The following CABYR variants were observed in gnomAD, a reference collection of about 807,000 sequenced individuals.
The protein encoded by CABYR is calcium-binding tyrosine phosphorylation-regulated protein.
A neutral mutation model predicts 36.1 loss-of-function variants in CABYR; 31 were observed. The observed-to-expected ratio is 0.86, with a 90% confidence interval of 0.64 to 1.16. The LOEUF is 1.16. Ranked by LOEUF, CABYR falls within the 50% of genes most tolerant of loss-of-function variation. The pLI, the probability that CABYR is intolerant of heterozygous loss-of-function variation, is 0.00. For missense variants in CABYR, 429 were observed against 455.8 expected (o/e 0.94, Z 0.53); for synonymous variants, 146 against 160.7 (o/e 0.91, Z 0.69).
rs562210085 is a variant in CABYR at position 24,161,480 on chromosome 18, C to CTT, written c.*-34_*-33dup. 3.2e-4 allele frequency: 252 copies of CTT among 779,238 alleles called. 1 individual carries two copies. Among genetic ancestry groups the CTT allele is most frequent in the Middle Eastern group, 3.2e-3 (14 of 4,440 alleles). The allele number at this position is 779,238 out of a possible 1,614,324, so 48.3% of individuals were successfully genotyped here. A position where few individuals can be genotyped will look rare whatever the true frequency, so the allele number is the denominator to read the frequency against. On this transcript the variant is annotated intron_variant, in intron 5 of 5. Coordinates refer to ENST00000399496, the MANE Select transcript of CABYR (RefSeq NM_153769.3). The stretch of plus-strand genomic sequence containing the variant: ...TTCACATGTTCGGTTTCATGTTTAA[C>CTT]TTTAAACAATTCAATGTTTGCATTA...
intron 5 of CABYR, chr18:24,160,396 G>A: frequency 3.9e-6 from 1 of 259,556 alleles, no homozygotes; most frequent in Non-Finnish European, 7.3e-6. Context: ...TTTTAAAACA[G>A]GACAATTTAG....
chr18:24,157,399 CA>C (rs919218575), intron 4 of CABYR, among the ~76,000 whole-genome samples: 4 of 152,168 alleles, frequency 2.6e-5, no homozygotes, highest in African/African-American at 9.7e-5. Flanking sequence ...TACAGCAATG[CA>C]TTTACATAGG....
chr18:24,143,558 TA>T (rs144541753), intron 3 of CABYR, 145 bp downstream of exon 3: 45,111 of 298,132 alleles, frequency 0.15, 4,108 homozygotes, highest in Middle Eastern at 0.28. Flanking sequence ...TATATATATA[TA>T]TTTTTAGAGA....
intron 4 of CABYR, among the ~76,000 whole-genome samples, chr18:24,158,323 T>C (rs1251185635): frequency 6.6e-6 from 1 of 150,984 alleles, no homozygotes; most frequent in Non-Finnish European, 1.5e-5. Flanking sequence ...ATTATTTCTT[T>C]TTTTTTTTTT....
chr18:24,150,820 C>G (rs2085609836), intron 3 of CABYR, among the ~76,000 whole-genome samples: 1 of 150,276 alleles, frequency 6.7e-6, no homozygotes, highest in Non-Finnish European at 1.5e-5. Flanking sequence ...TCACTCTGGC[C>G]CCAGGCTGGA....
intron 3 of CABYR, among the ~76,000 whole-genome samples, chr18:24,151,331 C>T (rs1599385557): frequency 6.6e-6 from 1 of 152,196 alleles, no homozygotes; most frequent in East Asian, 1.9e-4. Flanking sequence ...AGTTATGTTC[C>T]TAATTCTCAG....
intron 3 of CABYR, among the ~76,000 whole-genome samples, chr18:24,147,023 G>A (rs2085476766): frequency 6.6e-6 from 1 of 152,086 alleles, no homozygotes; most frequent in African/African-American, 2.4e-5. Flanking sequence ...GGGGCATGGT[G>A]GTTCATGCCT....
intron 3 of CABYR, among the ~76,000 whole-genome samples, chr18:24,149,548 C>T (rs957325373): frequency 9.9e-5 from 15 of 152,232 alleles, no homozygotes; most frequent in African/African-American, 1.4e-4. Context: ...TGGTGCCGTG[C>T]GCCTGCACTC....
In CABYR at chr18:24,159,454, CA is replaced by C; in HGVS notation, c.542-14del. On this transcript the variant is annotated splice_polypyrimidine_tract_variant and intron_variant, in intron 4 of 5. Transcript: ENST00000399496. The stretch of plus-strand genomic sequence containing the variant: ...ACAGAGACCAAAACTTTAATTCCTG[CA>C]AAATTTTTTTTTATAGCAATGGCAA... 1 of 1,596,242 alleles carries C rather than the reference CA, an allele frequency of 6.3e-7. No individual in the cohort carries two copies. Among genetic ancestry groups the C allele is most frequent in the Non-Finnish European group, 8.6e-7 (1 of 1,168,480 alleles).
intron 3 of CABYR, among the ~76,000 whole-genome samples, chr18:24,149,773 C>T (rs1238538003): frequency 6.6e-6 from 1 of 152,264 alleles, no homozygotes; most frequent in Non-Finnish European, 1.5e-5. Flanking sequence ...GGACCCAGTA[C>T]ACCCTATGCA....
rs573632934 is a variant in CABYR, at chr18:24,141,954, TAAAAAC to T, written c.-24-1133_-24-1128del. Among the ~76,000 whole-genome samples, 183 of 152,274 alleles carry T rather than the reference TAAAAAC, an allele frequency of 1.2e-3. 2 individuals carry two copies. The South Asian group carries it at 0.014, about 12-fold the overall frequency. ...AAATTATACTCACACTGATTAATGT[TAAAAAC>T]AAAGTTATTCCTGCAGGTACAAAGC... On this transcript the variant is annotated intron_variant, in intron 1 of 5. Coordinates refer to ENST00000399496, the MANE Select transcript of CABYR (RefSeq NM_153769.3).
chr18:24,158,701 A>G (rs1257332751), intron 4 of CABYR, among the ~76,000 whole-genome samples: 3 of 152,170 alleles, frequency 2.0e-5, no homozygotes, highest in African/African-American at 7.2e-5. Context: ...AACTCGGCAC[A>G]TTTGGGCAAA....
At chr18:24,150,004 A>G (rs994575308) in intron 3 of CABYR, among the ~76,000 whole-genome samples, 1 of 152,258 alleles carries the variant, frequency 6.6e-6, no homozygotes, top group Non-Finnish European at 1.5e-5. Context: ...GGGCTCCCAC[A>G]GTGCAGCGGT....
chr18:24,145,611 C>T (rs1227232410), intron 3 of CABYR, among the ~76,000 whole-genome samples: 1 of 152,152 alleles, frequency 6.6e-6, no homozygotes. Context: ...TTTTGTCCAA[C>T]TCCTAAGCTC....
intron 1 of CABYR, among the ~76,000 whole-genome samples, chr18:24,142,571 T>C (rs1037029960): frequency 1.3e-5 from 2 of 152,028 alleles, no homozygotes; most frequent in Non-Finnish European, 1.5e-5. Context: ...TGGCAGGGCT[T>C]TTCCTATGGA....
intron 4 of CABYR, among the ~76,000 whole-genome samples, chr18:24,157,602 G>A (rs1486506160): frequency 6.6e-6 from 1 of 152,008 alleles, no homozygotes; most frequent in Non-Finnish European, 1.5e-5. Flanking sequence ...GGAGGTATCA[G>A]CAGCAGAAAG....
At chr18:24,146,289 A>G (rs1241880151) in intron 3 of CABYR, among the ~76,000 whole-genome samples, 1 of 152,240 alleles carries the variant, frequency 6.6e-6, no homozygotes, top group Non-Finnish European at 1.5e-5. Flanking sequence ...CTATAAAATT[A>G]TATGGCTTTA....
Position 24,155,696 on chromosome 18 carries a change from T to A in CABYR, c.200-5T>A. The A allele has an allele frequency of 6.4e-7, 1 of 1,561,738 alleles. No homozygotes were observed. Among genetic ancestry groups the A allele is most frequent in the Non-Finnish European group, 8.6e-7 (1 of 1,158,850 alleles). ...TAATTAACCCATCTGGTTGTTGTTT[T>A]TCAGTAGAGAAATGGTCAGAAGGAA... On this transcript the variant is annotated splice_region_variant and splice_polypyrimidine_tract_variant and intron_variant, in intron 3 of 5. Transcript: ENST00000399496.
At chr18:24,143,447 G>A (rs1209684701) in intron 3 of CABYR, 34 bp downstream of exon 3, 2 of 1,232,032 alleles carry the variant, frequency 1.6e-6, no homozygotes, top group East Asian at 2.4e-5. Flanking sequence ...TTTTAATAAT[G>A]ATGTTTATTA....
Sources: gnomAD v4.1 joint callset for allele counts (sites outside exome capture counted in the v4.1 genomes callset) on GRCh38, gnomAD v4.1.1 for gene constraint, MANE v1.5 for transcripts, NCBI Gene and HGNC (gene_info 2026-07-23, HGNC 2026-07-21) for gene names.